IFT74: variants seen among roughly 807,000 people sequenced by gnomAD.
The protein encoded by IFT74 is intraflagellar transport protein 74 homolog.
IFT74 carries 92 observed loss-of-function variants against 96.7 expected under a neutral mutation model. The observed-to-expected ratio is 0.95, with a 90% confidence interval of 0.80 to 1.13. The LOEUF (loss-of-function observed/expected upper bound fraction) is 1.13, where lower values mean the gene tolerates loss of function less well. IFT74 is among the 50% of genes most tolerant of loss of function. The pLI is 0.00. For synonymous variants in IFT74, 223 were observed against 213.2 expected (o/e 1.05, Z -0.40); for missense variants, 811 against 698.2 (o/e 1.16, Z -1.82).
chr9:27,021,115 T>C (rs1829578507), intron 12 of IFT74, among the ~76,000 whole-genome samples: 1 of 152,172 alleles, frequency 6.6e-6, no homozygotes, highest in African/African-American at 2.4e-5. Flanking sequence ...TTCCTTTTTA[T>C]GGCTGAGTAG....
intron 8 of IFT74, among the ~76,000 whole-genome samples, chr9:26,992,058 T>C (rs1320125804): frequency 6.6e-6 from 1 of 151,826 alleles, no homozygotes; most frequent in Non-Finnish European, 1.5e-5. Context: ...TAGAGAAATA[T>C]ATAAGCTATA....
intron 13 of IFT74, among the ~76,000 whole-genome samples, chr9:27,029,889 G>A (rs73436099): frequency 0.022 from 3,395 of 152,282 alleles, 134 homozygotes; most frequent in African/African-American, 0.077. Context: ...CCCAGGTCTA[G>A]TAATGAAGTA....
chr9:27,031,466 TA>T (rs879774531), intron 13 of IFT74, among the ~76,000 whole-genome samples: 163 of 142,946 alleles, frequency 1.1e-3, no homozygotes, highest in East Asian at 3.2e-3. Context: ...GACTCCGTCT[TA>T]AAAAAAAAAA....
intron 2 of IFT74, among the ~76,000 whole-genome samples, chr9:26,970,734 T>TC (rs1826844768): frequency 6.6e-6 from 1 of 152,258 alleles, no homozygotes; most frequent in South Asian, 2.1e-4. Flanking sequence ...TCTTCCTGTG[T>TC]CCAACACATT....
upstream of IFT74, among the ~76,000 whole-genome samples, chr9:26,952,968 T>A (rs1825980133): frequency 1.3e-5 from 2 of 152,196 alleles, no homozygotes; most frequent in African/African-American, 2.4e-5. Flanking sequence ...TAAAGGCTTA[T>A]ATAACTAACT....
intron 2 of IFT74, among the ~76,000 whole-genome samples, chr9:26,963,754 C>G (rs775177767): frequency 6.6e-6 from 1 of 152,164 alleles, no homozygotes; most frequent in African/African-American, 2.4e-5. Flanking sequence ...GCATAAATGT[C>G]TTCTTTTGGG....
chr9:27,035,762 C>T (rs1415318073), intron 13 of IFT74, among the ~76,000 whole-genome samples: 1 of 152,156 alleles, frequency 6.6e-6, no homozygotes, highest in Non-Finnish European at 1.5e-5. Context: ...AAAAATTATA[C>T]AATTTATACA....
chr9:27,017,009 A>G lies in IFT74; in HGVS notation c.892A>G (p.Ile298Val). 1.9e-6 allele frequency: 3 copies of G among 1,609,842 alleles called. No homozygotes were observed. Among genetic ancestry groups the G allele is most frequent in the South Asian group, 2.2e-5 (2 of 90,082 alleles). The stretch of plus-strand genomic sequence containing the variant: ...TCAAATGATTGCAGAAGACAAAAGC[A>G]TAGGATCTCCAATGGAAGAGAGAGA... ...RDQMIAEDKS[I>V]GSPMEEREKL... is the part of the protein sequence containing the mutation. The change falls in exon 11 of 20, where the codon ATA becomes GTA. Residue 298 changes from isoleucine (I) to valine (V), a missense_variant. By Grantham distance (29) the Ile-to-Val change is conservative. Transcript: ENST00000380062.
chr9:26,955,611 C>G (rs1230853321), upstream of IFT74, among the ~76,000 whole-genome samples: 1 of 152,046 alleles, frequency 6.6e-6, no homozygotes, highest in Non-Finnish European at 1.5e-5. Context: ...GAAAATGTTT[C>G]ACAAACTAAG....
chr9:27,033,507 C>T (rs540006306), intron 13 of IFT74, among the ~76,000 whole-genome samples: 15 of 148,306 alleles, frequency 1.0e-4, no homozygotes, highest in Non-Finnish European at 1.9e-4. Flanking sequence ...TGCAGTAAGC[C>T]GAAATCACTC....
chr9:26,963,179 A>G (rs912979396), intron 2 of IFT74, among the ~76,000 whole-genome samples: 7 of 151,692 alleles, frequency 4.6e-5, no homozygotes, highest in African/African-American at 9.7e-5. Flanking sequence ...TCATTGTTCA[A>G]TTCCCACCTA....
chr9:27,047,901 T>C (rs1463909857), intron 15 of IFT74, among the ~76,000 whole-genome samples: 1 of 152,166 alleles, frequency 6.6e-6, no homozygotes, highest in Non-Finnish European at 1.5e-5. Context: ...ATAGTGTAGT[T>C]GAATTTTTTC....
intron 1 of IFT74, among the ~76,000 whole-genome samples, chr9:26,950,956 T>G (rs1401179186): frequency 2.0e-5 from 3 of 152,250 alleles, no homozygotes; most frequent in Non-Finnish European, 4.4e-5. Flanking sequence ...AATGTTTTTA[T>G]GTGTTCAGCA....
At chr9:27,036,709 A>C in intron 13 of IFT74, 1 of 1,296,220 alleles carries the variant, frequency 7.7e-7, no homozygotes, top group South Asian at 2.6e-5. Context: ...CTAAAAATCA[A>C]TTATATGGTG....
At chr9:26,956,758 G>C (rs1230946295) in intron 1 of IFT74, among the ~76,000 whole-genome samples, 3 of 152,228 alleles carry the variant, frequency 2.0e-5, no homozygotes, top group Non-Finnish European at 4.4e-5. Flanking sequence ...GCACAGAGCA[G>C]AGGGAAGGAC....
chr9:27,030,979 C>T (rs1246017134), intron 13 of IFT74, among the ~76,000 whole-genome samples: 1 of 152,066 alleles, frequency 6.6e-6, no homozygotes, highest in African/African-American at 2.4e-5. Context: ...AACATATAGC[C>T]AAGTGACTTT....
At chr9:27,039,183 G>T (rs1819353811) in intron 13 of IFT74, among the ~76,000 whole-genome samples, 1 of 152,082 alleles carries the variant, frequency 6.6e-6, no homozygotes, top group South Asian at 2.1e-4. Context: ...GACAGTTTAT[G>T]CTTCTTTTTT....
chr9:27,010,896 C>CA (rs1479765416), intron 9 of IFT74, among the ~76,000 whole-genome samples: 1 of 152,172 alleles, frequency 6.6e-6, no homozygotes, highest in Non-Finnish European at 1.5e-5. Flanking sequence ...CTTTCATGCC[C>CA]AGATGGCCCT....
intron 14 of IFT74, among the ~76,000 whole-genome samples, chr9:27,046,926 G>GC (rs1433672814): frequency 6.6e-5 from 10 of 152,170 alleles, no homozygotes; most frequent in African/African-American, 2.4e-4. Context: ...TATAATCCCA[G>GC]CACTTTGGGA....
Sources: allele counts gnomAD v4.1 joint callset (sites outside exome capture counted in the v4.1 genomes callset), GRCh38; gene constraint gnomAD v4.1.1; transcripts MANE v1.5; gene names NCBI Gene and HGNC (gene_info 2026-07-23, HGNC 2026-07-21).